COL25A1: variants seen among roughly 807,000 people sequenced by gnomAD.
COL25A1 encodes collagen type XXV alpha 1 chain, also known as collagen alpha-1(XXV) chain.
Under a neutral mutation model 128.4 loss-of-function variants are expected in COL25A1, and 103 were observed. The ratio of observed to expected loss-of-function variants is 0.80; its 90% CI spans 0.68 to 0.94. The LOEUF is 0.94. COL25A1 is among the 40% of genes least tolerant of loss of function. COL25A1 has a pLI of 0.00. For synonymous variants in COL25A1, 279 were observed against 277.2 expected (o/e 1.01, Z -0.06); for missense variants, 745 against 840.0 (o/e 0.89, Z 1.40).
At chr4:108,883,212 A>G (rs957827721) in intron 19 of COL25A1, among the ~76,000 whole-genome samples, 2 of 151,958 alleles carry the variant, frequency 1.3e-5, no homozygotes, top group Non-Finnish European at 2.9e-5. Context: ...TATTTTTCAT[A>G]GATACAGGGT....
intron 3 of COL25A1, among the ~76,000 whole-genome samples, chr4:109,149,588 T>C (rs1160527927): frequency 2.0e-5 from 3 of 152,214 alleles, no homozygotes; most frequent in Non-Finnish European, 2.9e-5. Context: ...ATATATGTTA[T>C]GTCACTGAGA....
intron 3 of COL25A1, among the ~76,000 whole-genome samples, chr4:109,152,901 G>A (rs1280175773): frequency 3.9e-5 from 6 of 152,048 alleles, no homozygotes; most frequent in South Asian, 2.1e-4. Context: ...GGAAAATGGC[G>A]TTTAATGGGT....
intron 3 of COL25A1, among the ~76,000 whole-genome samples, chr4:109,243,943 GTA>G (rs529978701): frequency 2.1e-4 from 32 of 152,148 alleles, no homozygotes; most frequent in African/African-American, 5.8e-4. Flanking sequence ...GTCTCAGAAA[GTA>G]CTGAAGGCAG....
intron 6 of COL25A1, among the ~76,000 whole-genome samples, chr4:108,976,423 A>G (rs1437684352): frequency 6.6e-6 from 1 of 152,166 alleles, no homozygotes; most frequent in Non-Finnish European, 1.5e-5. Context: ...AGGAATTTCT[A>G]TTTTGTTGGG....
chr4:109,155,932 T>C (rs1771989290), intron 3 of COL25A1, among the ~76,000 whole-genome samples: 1 of 152,214 alleles, frequency 6.6e-6, no homozygotes, highest in Admixed American at 6.5e-5. Flanking sequence ...ACCCTGTTTT[T>C]GGCACAGATC....
chr4:108,826,339 AC>A (rs1732375015), intron 33 of COL25A1, among the ~76,000 whole-genome samples: 1 of 152,154 alleles, frequency 6.6e-6, no homozygotes. Context: ...GGAGTTTGAG[AC>A]CAGCGTGGCC....
chr4:109,218,355 G>GTTTTTTTTTGTTTTTTTTT, intron 3 of COL25A1, among the ~76,000 whole-genome samples: 1 of 78,428 alleles, frequency 1.3e-5, no homozygotes, highest in African/African-American at 5.8e-5. Context: ...TGGTTTTTTG[G>GTTTTTTTTTGTTTTTTTTT]GGTTTTTTTT....
chr4:108,825,464 T>C (rs1396832918), intron 33 of COL25A1, among the ~76,000 whole-genome samples: 1 of 152,150 alleles, frequency 6.6e-6, no homozygotes, highest in African/African-American at 2.4e-5. Flanking sequence ...GGTAGCTAAG[T>C]TATCAGTCCA....
chr4:108,880,828 C>T (rs1740027806), intron 19 of COL25A1, among the ~76,000 whole-genome samples: 1 of 152,182 alleles, frequency 6.6e-6, no homozygotes, highest in South Asian at 2.1e-4. Flanking sequence ...AATGTATTTA[C>T]ATTTTTCAAA....
chr4:109,197,198 T>C lies in COL25A1; in HGVS notation c.367+103385A>G, dbSNP rs1010911184. Among the ~76,000 whole-genome samples the C allele has an allele frequency of 6.7e-5, 10 of 149,864 alleles. 2 individuals are homozygous for C. In the South Asian group the frequency reaches 2.1e-3, roughly 31 times the overall value. On this transcript the variant is annotated intron_variant, in intron 3 of 37. Coordinates refer to ENST00000399132, the MANE Select transcript of COL25A1 (RefSeq NM_198721.4). ...AGAATTAGCCAGGTGTGGCGGTGCATGCCTCTAATCCCAGCTACTCAGAAG... is the reference window on the plus strand; with the variant it reads ...AGAATTAGCCAGGTGTGGCGGTGCACGCCTCTAATCCCAGCTACTCAGAAG...
intron 3 of COL25A1, among the ~76,000 whole-genome samples, chr4:109,147,279 A>G (rs1222845501): frequency 6.6e-6 from 1 of 152,132 alleles, no homozygotes; most frequent in African/African-American, 2.4e-5. Context: ...CTTCTAACCC[A>G]AGGAAACAGG....
intron 3 of COL25A1, among the ~76,000 whole-genome samples, chr4:109,205,976 C>T (rs1434392391): frequency 6.6e-6 from 1 of 152,110 alleles, no homozygotes; most frequent in African/African-American, 2.4e-5. Flanking sequence ...GGTTCTGTTT[C>T]ATACTCCTGG....
At chr4:108,945,757 G>A (rs556726809) in intron 8 of COL25A1, among the ~76,000 whole-genome samples, 22 of 152,046 alleles carry the variant, frequency 1.4e-4, no homozygotes, top group African/African-American at 2.9e-4. Context: ...TCTGCCTTCC[G>A]GGTTCAAGCA....
intron 32 of COL25A1, among the ~76,000 whole-genome samples, chr4:108,831,148 C>A (rs946428298): frequency 6.6e-6 from 1 of 151,182 alleles, no homozygotes; most frequent in Non-Finnish European, 1.5e-5. Context: ...TCTTCTAGGT[C>A]AGGAAGAATA....
intron 3 of COL25A1, among the ~76,000 whole-genome samples, chr4:109,289,181 T>G (rs1560986784): frequency 6.6e-6 from 1 of 152,046 alleles, no homozygotes; most frequent in African/African-American, 2.4e-5. Context: ...TTGTAGATAA[T>G]TAATAGAAAA....
At chr4:108,912,239 A>T (rs1211678144) in intron 13 of COL25A1, among the ~76,000 whole-genome samples, 1 of 152,170 alleles carries the variant, frequency 6.6e-6, no homozygotes, top group Non-Finnish European at 1.5e-5. Flanking sequence ...AAATATCTGT[A>T]ATAGGAAATG....
chr4:109,019,535 A>C lies in COL25A1; in HGVS notation c.421-9160T>G, dbSNP rs112337982. On this transcript the variant is annotated intron_variant, in intron 5 of 37. Coordinates refer to ENST00000399132, the MANE Select transcript of COL25A1 (RefSeq NM_198721.4). Reference sequence around the variant, plus strand: ...TCAGGAAACTTACAATCATGGTAGAAGGGGAAGCAGGCACGTCTTACATGG... The same window carrying C: ...TCAGGAAACTTACAATCATGGTAGACGGGGAAGCAGGCACGTCTTACATGG... Among the ~76,000 whole-genome samples, 1,433 of 151,994 alleles carry C rather than the reference A, an allele frequency of 9.4e-3. 25 individuals carry two copies. The highest frequency in any genetic ancestry group is 0.032 in the African/African-American group (1,326 of 41,492).
intron 3 of COL25A1, among the ~76,000 whole-genome samples, chr4:109,248,038 C>A (rs554918403): frequency 4.6e-5 from 7 of 152,048 alleles, no homozygotes; most frequent in Non-Finnish European, 1.0e-4. Flanking sequence ...TGAGAAAAAC[C>A]CGTATTGTCC....
intron 3 of COL25A1, among the ~76,000 whole-genome samples, chr4:109,254,081 C>A (rs1350299163): frequency 6.8e-6 from 1 of 147,260 alleles, no homozygotes; most frequent in African/African-American, 2.5e-5. Flanking sequence ...TGCGAGACTC[C>A]GTCTCAAGAA....
Sources: allele counts gnomAD v4.1 joint callset (sites outside exome capture counted in the v4.1 genomes callset), GRCh38; gene constraint gnomAD v4.1.1; transcripts MANE v1.5; gene names NCBI Gene and HGNC (gene_info 2026-07-23, HGNC 2026-07-21).